The following SETX variants were observed in gnomAD, a reference collection of about 807,000 sequenced individuals.
The protein encoded by SETX is senataxin, also known as helicase senataxin.
Under a neutral mutation model 227.2 loss-of-function variants are expected in SETX, and 90 were observed. The ratio of observed to expected loss-of-function variants is 0.40; its 90% CI spans 0.33 to 0.47. SETX has a LOEUF of 0.47. Ranked by LOEUF, SETX falls within the 20% of genes least tolerant of loss-of-function variation. SETX has a pLI of 0.91. For synonymous variants in SETX, 1,210 were observed against 1,113.2 expected (o/e 1.09, Z -1.73); for missense variants, 3,052 against 3,181.5 (o/e 0.96, Z 0.98).
Position 132,308,843 on chromosome 9 carries a change from A to T in SETX, c.5374+2914T>A, listed in dbSNP as rs149611416. Among the ~76,000 whole-genome samples, 459 of 152,312 alleles carry T rather than the reference A, an allele frequency of 3.0e-3. 1 individual carries two copies. Among genetic ancestry groups the T allele is most frequent in the African/African-American group, 0.01 (418 of 41,572 alleles). ...AGGGCCAAGAATAGCCAAAGCACTC[A>T]AAAAGTAGAGCAAGGTAGGAGGGGT... is the stretch of plus-strand genomic sequence containing the variant. On this transcript the variant is annotated intron_variant, in intron 11 of 25. Transcript: ENST00000224140.
chr9:132,329,613 T>C lies in SETX; in HGVS notation c.1985A>G (p.Asn662Ser). Residue 662 changes from asparagine (N) to serine (S), a missense_variant, in exon 10 of 26, where the codon AAC becomes AGC. Physicochemically the swap from Asn to Ser is conservative, Grantham distance 46. Coordinates refer to ENST00000224140, the MANE Select transcript of SETX (RefSeq NM_015046.7). ...CTCATTATTGTCACCTTCTATAGTG[T>C]TATCTGCTTTGATCAATACACTGTC... ...VQDSVLIKADNTIEGDNNEQN... is the reference protein window; with the variant it reads ...VQDSVLIKADSTIEGDNNEQN... The C allele has an allele frequency of 6.2e-7, 1 of 1,613,894 alleles. No homozygotes were observed. Among genetic ancestry groups the C allele is most frequent in the Non-Finnish European group, 8.5e-7 (1 of 1,179,978 alleles).
chr9:132,348,362 C>CAA (rs1343590099), intron 3 of SETX, among the ~76,000 whole-genome samples: 72 of 11,520 alleles, frequency 6.3e-3, no homozygotes, highest in East Asian at 0.037. Flanking sequence ...GACTCTGTCT[C>CAA]AAAAAAAAAA....
Position 132,329,265 on chromosome 9 carries a change from C to A in SETX, c.2333G>T (p.Arg778Leu). The A allele has an allele frequency of 6.2e-7, 1 of 1,613,564 alleles. No individual in the cohort carries two copies. The highest frequency in any genetic ancestry group is 8.5e-7 in the Non-Finnish European group (1 of 1,179,844). ...TTCATCTTTCTGTACCTTAGTTTTT[C>A]GTTTTGAGGTTTTAGCAAGAGCATC... Reference protein sequence around the residue: ...KDDALAKTSKRKTKVQKDEIC... With the variant: ...KDDALAKTSKLKTKVQKDEIC... The change falls in exon 10 of 26, where the codon CGA becomes CTA. Residue 778 changes from arginine (R) to leucine (L), a missense_variant. This residue lies in a region of SETX where 1,483 missense variants were observed against 1,312.0 expected (regional missense o/e 1.13). Coordinates refer to ENST00000224140, the MANE Select transcript of SETX (RefSeq NM_015046.7).
chr9:132,312,186 C>T (rs978979555), intron 10 of SETX, among the ~76,000 whole-genome samples: 2 of 152,200 alleles, frequency 1.3e-5, no homozygotes, highest in African/African-American at 2.4e-5. Context: ...CAGTGCATAA[C>T]GTACTGCTGG....
chr9:132,278,666 T>G (rs578135189), intron 20 of SETX, among the ~76,000 whole-genome samples: 92 of 152,190 alleles, frequency 6.0e-4, no homozygotes, highest in Non-Finnish European at 8.8e-4. Context: ...TTTCTACTCA[T>G]ATACTGCTAA....
At chr9:132,307,828 G>A (rs183538030) in intron 11 of SETX, among the ~76,000 whole-genome samples, 6 of 152,118 alleles carry the variant, frequency 3.9e-5, no homozygotes, top group East Asian at 1.9e-4. Context: ...ACAGGTATGC[G>A]CCACCATGCC....
chr9:132,303,976 G>C (rs1410803589), intron 11 of SETX, among the ~76,000 whole-genome samples: 2 of 152,082 alleles, frequency 1.3e-5, no homozygotes, highest in Non-Finnish European at 2.9e-5. Flanking sequence ...ACAAAAATTA[G>C]TCAGGCATGG....
At chr9:132,298,806 G>A (rs1489561953) in intron 12 of SETX, among the ~76,000 whole-genome samples, 3 of 152,158 alleles carry the variant, frequency 2.0e-5, no homozygotes, top group East Asian at 1.9e-4. Context: ...AACGCTTAGC[G>A]ACTCAGAGTA....
chr9:132,296,525 T>C (rs987661138), intron 14 of SETX, among the ~76,000 whole-genome samples: 2 of 151,702 alleles, frequency 1.3e-5, no homozygotes, highest in Non-Finnish European at 2.9e-5. Context: ...ATCGTGCCAC[T>C]GTACCCTAAC....
intron 19 of SETX, 63 bp downstream of exon 19, chr9:132,283,201 A>G (rs1327796337): frequency 5.6e-6 from 9 of 1,603,790 alleles, no homozygotes; most frequent in Non-Finnish European, 7.7e-6. Flanking sequence ...CAGCAGCCAC[A>G]ATTCATCTAA....
At chr9:132,284,400 A>G (rs548199768) in intron 18 of SETX, among the ~76,000 whole-genome samples, 1 of 152,354 alleles carries the variant, frequency 6.6e-6, no homozygotes, top group South Asian at 2.1e-4. Flanking sequence ...AATATGCATT[A>G]AATTCAACTA....
At chr9:132,335,969 C>T (rs779264033) in intron 6 of SETX, among the ~76,000 whole-genome samples, 1 of 152,154 alleles carries the variant, frequency 6.6e-6, no homozygotes, top group Non-Finnish European at 1.5e-5. Flanking sequence ...GGGCCGGGCG[C>T]GGTAGCTCAC....
intron 2 of SETX, among the ~76,000 whole-genome samples, chr9:132,351,959 A>C (rs1848626536): frequency 6.6e-6 from 1 of 152,236 alleles, no homozygotes; most frequent in Non-Finnish European, 1.5e-5. Flanking sequence ...AGGATGCTTC[A>C]CCATAGGTAT....
At chr9:132,352,956 C>G (rs1384273222) in intron 2 of SETX, among the ~76,000 whole-genome samples, 1 of 152,208 alleles carries the variant, frequency 6.6e-6, no homozygotes, top group Non-Finnish European at 1.5e-5. Flanking sequence ...AATTACATCT[C>G]TACTTTCTTC....
chr9:132,306,754 A>G (rs571638204), intron 11 of SETX, among the ~76,000 whole-genome samples: 14 of 152,280 alleles, frequency 9.2e-5, no homozygotes, highest in African/African-American at 3.4e-4. Flanking sequence ...TGCCTGGGCT[A>G]GAGTGCAGTG....
chr9:132,328,664 G>A lies in SETX; in HGVS notation c.2934C>T (p.Ser978=), dbSNP rs144154512. The A allele has an allele frequency of 8.7e-6, 14 of 1,613,252 alleles. No homozygotes were observed. The highest frequency in any genetic ancestry group is 4.0e-5 in the African/African-American group (3 of 75,000). The part of the protein sequence containing the change: ...LAQASVITFP[S]DSPQNSSQLQ... ...GCTGCGATGAGTTCTGAGGTGAATC[G>A]GATGGGAACGTAATAACACTGGCTT... The change falls in exon 10 of 26, where the codon TCC becomes TCT. Residue 978 remains serine, a synonymous_variant. Transcript: ENST00000224140.
chr9:132,334,214 G>C (rs992286562), intron 7 of SETX, among the ~76,000 whole-genome samples: 1 of 152,230 alleles, frequency 6.6e-6, no homozygotes, highest in African/African-American at 2.4e-5. Flanking sequence ...GGGAGGCCAA[G>C]GCAGGCAGAT....
intron 2 of SETX, among the ~76,000 whole-genome samples, chr9:132,352,941 C>T (rs917308779): frequency 2.0e-5 from 3 of 152,184 alleles, no homozygotes; most frequent in Non-Finnish European, 4.4e-5. Flanking sequence ...CAGAGCCTAC[C>T]CCTTAATTAC....
At chr9:132,353,584 CA>C (rs1165885888) in intron 2 of SETX, 64 bp downstream of exon 2, 1 of 151,652 alleles carries the variant, frequency 6.6e-6, no homozygotes, top group Non-Finnish European at 1.5e-5. Context: ...TAGGACTCTG[CA>C]CATGTTTCCA....
Sources: allele counts gnomAD v4.1 joint callset (sites outside exome capture counted in the v4.1 genomes callset), GRCh38; gene constraint gnomAD v4.1.1; regional missense constraint gnomAD v4.1.1; transcripts MANE v1.5; gene names NCBI Gene and HGNC (gene_info 2026-07-23, HGNC 2026-07-21).